Variants in SCAF11 observed in about 807,000 individuals in gnomAD.
SCAF11 encodes the protein SR-related CTD associated factor 11, also known as protein SCAF11.
In SCAF11, 47 loss-of-function variants were observed where a neutral mutation model predicts 140.5. The ratio of observed to expected loss-of-function variants is 0.33; its 90% confidence interval spans 0.26 to 0.43. The LOEUF is 0.43. SCAF11 is among the 20% of genes least tolerant of loss of function. The pLI, the probability that SCAF11 is intolerant of heterozygous loss-of-function variation, is 1.00. For missense variants in SCAF11, 1,645 were observed against 1,705.1 expected, an observed-to-expected ratio of 0.96 and a Z score of 0.62; for synonymous variants, 557 against 579.4, an observed-to-expected ratio of 0.96 and a Z score of 0.55.
At chr12:45,923,674 T>C (rs909085284) in intron 12 of SCAF11, among the ~76,000 whole-genome samples, 1 of 151,958 alleles carries the variant, frequency 6.6e-6, no homozygotes, top group African/African-American at 2.4e-5. Context: ...TATTTTATTT[T>C]ATTTTAATTA....
rs762534202 is a variant in SCAF11 at position 45,926,438 on chromosome 12, G to A, written c.3263C>T (p.Ala1088Val). The change falls in exon 11 of 15, where the codon GCC (alanine) becomes GTC (valine). Residue 1088 changes from alanine to valine, a missense_variant. Coordinates refer to ENST00000369367, the MANE Select transcript of SCAF11 (RefSeq NM_004719.3). ...RGRGTYRSSF[A>V]YKDQNENRWQ... ...CCGATTTTCATTCTGATCTTTATAG[G>A]CAAAACTACTTCTGTAAGTGCCTCT... 8 of 1,614,122 alleles carry A rather than the reference G, an allele frequency of 5.0e-6. No homozygotes were observed. In the South Asian group the frequency reaches 8.8e-5, roughly 18 times the overall value.
Position 45,944,332 on chromosome 12 carries a change from T to A in SCAF11, c.463+917A>T, listed in dbSNP as rs567623545. Among the ~76,000 whole-genome samples, 27 of 152,278 alleles carry A rather than the reference T, an allele frequency of 1.8e-4. No homozygotes were observed. The East Asian group carries it at 5.2e-3, about 29-fold the overall frequency. On this transcript the variant is annotated intron_variant, in intron 6 of 14. Coordinates refer to ENST00000369367, the MANE Select transcript of SCAF11 (RefSeq NM_004719.3). The stretch of plus-strand genomic sequence containing the variant: ...AAACAACTTTTGCTTCAATTTCACT[T>A]TAATAGTAAAATTTCAAAGGCAGAA...
chr12:45,951,160 A>T (rs1166592569), intron 4 of SCAF11, among the ~76,000 whole-genome samples: 1 of 152,092 alleles, frequency 6.6e-6, no homozygotes, highest in African/African-American at 2.4e-5. Flanking sequence ...CTAATTTCAA[A>T]ATTATTGTTT....
intron 2 of SCAF11, 79 bp downstream of exon 2, chr12:45,964,028 C>G: frequency 4.1e-6 from 3 of 730,668 alleles, no homozygotes; most frequent in South Asian, 3.4e-5. Flanking sequence ...CCTGTGTATT[C>G]TGAAATGTAT....
chr12:45,945,024 C>T (rs1159986325), intron 6 of SCAF11: 2 of 497,352 alleles, frequency 4.0e-6, no homozygotes, highest in South Asian at 2.9e-5. Flanking sequence ...TCTCCCAACA[C>T]ACGCACACAC....
intron 5 of SCAF11, among the ~76,000 whole-genome samples, chr12:45,946,869 C>A (rs1044335941): frequency 6.6e-6 from 1 of 152,090 alleles, no homozygotes; most frequent in East Asian, 1.9e-4. Flanking sequence ...CATGGGTAGG[C>A]TCTTGGAGGG....
In SCAF11 at chr12:45,927,202, T is replaced by C; in HGVS notation, c.2499A>G (p.Pro833=). The change falls in exon 11 of 15, where the codon CCA becomes CCG. Residue 833 remains proline (P), a synonymous_variant. Coordinates refer to ENST00000369367, the MANE Select transcript of SCAF11 (RefSeq NM_004719.3). ...TGKESRKSQS[P]SPKNESARGR... is the part of the protein sequence containing the mutation. ...CTCTGGCTGACTCATTCTTAGGAGA[T>C]GGTGATTGAGACTTCCTGCTTTCTT... is the stretch of plus-strand genomic sequence containing the variant. 3.1e-6 allele frequency: 5 copies of C among 1,614,118 alleles called. No individual in the cohort carries two copies. Among genetic ancestry groups the C allele is most frequent in the Non-Finnish European group, 4.2e-6 (5 of 1,180,008 alleles).
intron 1 of SCAF11, among the ~76,000 whole-genome samples, chr12:45,973,154 T>C (rs1946152634): frequency 6.9e-6 from 1 of 144,860 alleles, no homozygotes; most frequent in African/African-American, 2.6e-5. Flanking sequence ...CAACAAAAAG[T>C]GAAAACGGAA....
At chr12:45,991,165 C>T (rs373661725), upstream of SCAF11, among the ~76,000 whole-genome samples, 1 of 152,218 alleles carries the variant, frequency 6.6e-6, no homozygotes, top group East Asian at 1.9e-4. Flanking sequence ...GGAAGCCCAC[C>T]TTTCCTCCTT....
chr12:45,963,980 C>A, intron 2 of SCAF11, 127 bp downstream of exon 2: 1 of 599,384 alleles, frequency 1.7e-6, no homozygotes, highest in Non-Finnish European at 2.9e-6. Flanking sequence ...ACTTAGGCAG[C>A]TTATTTTGGA....
intron 5 of SCAF11, among the ~76,000 whole-genome samples, chr12:45,945,673 A>T (rs573116757): frequency 3.3e-5 from 5 of 151,446 alleles, no homozygotes; most frequent in Middle Eastern, 3.4e-3. Context: ...AGTAGCTTGG[A>T]CTACAGGCAT....
chr12:45,987,386 G>T (rs1199155601), intron 1 of SCAF11, among the ~76,000 whole-genome samples: 1 of 152,170 alleles, frequency 6.6e-6, no homozygotes, highest in Non-Finnish European at 1.5e-5. Flanking sequence ...TATTTGTAAC[G>T]TTTACAGCTG....
In SCAF11 at chr12:45,924,972, G is replaced by GCA; in HGVS notation, c.3660_3661dup (p.Ala1221ValfsTer7). 6.2e-7 allele frequency: 1 copy of GCA among 1,614,122 alleles called. No homozygotes were observed. Among genetic ancestry groups the GCA allele is most frequent in the Non-Finnish European group, 8.5e-7 (1 of 1,179,998 alleles). Reference sequence around the variant, plus strand: ...GAAGATATTCATAGGCTGGTGTTGTGCATTCATTTGTTGCTGCATTACATT... The same window carrying GCA: ...GAAGATATTCATAGGCTGGTGTTGTGCACATTCATTTGTTGCTGCATTACATT... On this transcript the variant is annotated frameshift_variant, in exon 12 of 15. Coordinates refer to ENST00000369367, the MANE Select transcript of SCAF11 (RefSeq NM_004719.3). LOFTEE classifies it high-confidence loss of function.
intron 6 of SCAF11, among the ~76,000 whole-genome samples, chr12:45,940,640 T>C (rs986954666): frequency 6.6e-6 from 1 of 152,224 alleles, no homozygotes; most frequent in Non-Finnish European, 1.5e-5. Context: ...CCTCCTCTTT[T>C]GACATCTTTA....
At chr12:45,929,947 C>T (rs1945001340) in intron 10 of SCAF11, 1 of 152,130 alleles carries the variant, frequency 6.6e-6, no homozygotes, top group African/African-American at 2.4e-5. Context: ...TTTTACTCCC[C>T]AAAACTTAAC....
chr12:45,953,844 G>A, intron 3 of SCAF11: 1 of 943,022 alleles, frequency 1.1e-6, no homozygotes, highest in Non-Finnish European at 1.5e-6. Flanking sequence ...GGTTTTTATG[G>A]GAATAAATAA....
chr12:45,970,567 A>T (rs1233939233), intron 1 of SCAF11, among the ~76,000 whole-genome samples: 1 of 152,270 alleles, frequency 6.6e-6, no homozygotes, highest in African/African-American at 2.4e-5. Flanking sequence ...CCAAGGGCAT[A>T]CCAGTCCCCA....
intron 3 of SCAF11, 38 bp from the exon 4 acceptor site, chr12:45,951,765 T>C (rs1162416842): frequency 1.6e-6 from 2 of 1,281,974 alleles, no homozygotes; most frequent in Admixed American, 1.9e-5. Flanking sequence ...TTACAAATGT[T>C]TCTTTAGATC....
chr12:45,926,327 C>T lies in SCAF11; in HGVS notation c.3374G>A (p.Arg1125Gln), dbSNP rs752289656. ...AAATGAGAACTCCTGTTCACTTTTT[C>T]GCTTATAGGATTGCTGTTCCACAAA... ...FKFVEQQSYKRKSEQEFSFDT... is the reference protein window; with the variant it reads ...FKFVEQQSYKQKSEQEFSFDT... The change falls in exon 11 of 15, where the codon CGA (arginine) becomes CAA (glutamine). Residue 1125 changes from arginine (R) to glutamine (Q), a missense_variant. Arg to Gln is a conservative substitution (Grantham distance 43). Around this residue, in one of 2 missense-constraint regions of SCAF11, gnomAD observed 1,582 missense variants for 1,609.2 expected, o/e 0.98. Transcript: ENST00000369367. 9 of 1,613,968 alleles carry T rather than the reference C, an allele frequency of 5.6e-6. No homozygotes were observed. Among genetic ancestry groups the T allele is most frequent in the African/African-American group, 1.3e-5 (1 of 74,898 alleles).
Sources: gnomAD v4.1 joint callset for allele counts (sites outside exome capture counted in the v4.1 genomes callset) on GRCh38, gnomAD v4.1.1 for gene constraint, gnomAD v4.1.1 regional missense constraint, MANE v1.5 for transcripts, NCBI Gene and HGNC (gene_info 2026-07-23, HGNC 2026-07-21) for gene names.